TUBA1C: variants seen among roughly 807,000 people sequenced by gnomAD.
The protein encoded by TUBA1C is tubulin alpha-1C chain.
A neutral mutation model predicts 34.9 loss-of-function variants in TUBA1C; 16 were observed. That is an observed-to-expected ratio of 0.46 (90% CI 0.31 to 0.70). The LOEUF (loss-of-function observed/expected upper bound fraction) is 0.70, where lower values mean the gene tolerates loss of function less well. Among genes scored for constraint, TUBA1C ranks in the 30% least tolerant of loss-of-function variants. TUBA1C has a pLI of 0.05. For synonymous variants in TUBA1C, 177 were observed against 215.9 expected, an observed-to-expected ratio of 0.82 and a Z score of 1.58; for missense variants, 329 against 587.3, an observed-to-expected ratio of 0.56 and a Z score of 4.55.
At chr12:49,237,267 A>G (rs1460412662) in intron 1 of TUBA1C, among the ~76,000 whole-genome samples, 1 of 151,268 alleles carries the variant, frequency 6.6e-6, no homozygotes, top group African/African-American at 2.4e-5. Flanking sequence ...TAAAAATACA[A>G]AATTAGCCGG....
At chr12:49,246,768 T>C (rs1422856307) in intron 1 of TUBA1C, among the ~76,000 whole-genome samples, 1 of 152,148 alleles carries the variant, frequency 6.6e-6, no homozygotes, top group African/African-American at 2.4e-5. Context: ...CTTATGGCAT[T>C]TCAGGACAAT....
At chr12:49,250,320 C>T (rs1244686691) in intron 1 of TUBA1C, among the ~76,000 whole-genome samples, 3 of 151,710 alleles carry the variant, frequency 2.0e-5, no homozygotes, top group South Asian at 2.1e-4. Context: ...GTCAGGAAAT[C>T]GAGACCATCC....
chr12:49,270,384 G>C (rs1042103367), intron 3 of TUBA1C, among the ~76,000 whole-genome samples: 1 of 152,220 alleles, frequency 6.6e-6, no homozygotes, highest in African/African-American at 2.4e-5. Context: ...GAAACTTCCA[G>C]TACTGCTGAA....
chr12:49,271,478 G>A (rs903103704), intron 3 of TUBA1C, among the ~76,000 whole-genome samples: 9 of 152,036 alleles, frequency 5.9e-5, no homozygotes, highest in African/African-American at 2.2e-4. Flanking sequence ...TGGCTTACTG[G>A]GCCAATACTG....
Position 49,272,826 on chromosome 12 carries a change from C to T in TUBA1C, c.949C>T (p.Leu317=), listed in dbSNP as rs955833982. Residue 317 remains leucine, a synonymous_variant, in exon 4 of 4, where the codon CTG becomes TTG. Coordinates refer to ENST00000301072, the MANE Select transcript of TUBA1C (RefSeq NM_032704.5). The part of the protein sequence containing the change: ...PRHGKYMACC[L]LYRGDVVPKD... The stretch of plus-strand genomic sequence containing the variant: ...CCATGGTAAATACATGGCTTGCTGC[C>T]TGTTATACCGTGGTGACGTGGTTCC... 3.1e-5 allele frequency: 50 copies of T among 1,614,026 alleles called. No individual in the cohort carries two copies. Among genetic ancestry groups the T allele is most frequent in the African/African-American group, 5.3e-5 (4 of 74,916 alleles).
upstream of TUBA1C, among the ~76,000 whole-genome samples, chr12:49,261,492 G>C (rs1030293758): frequency 6.6e-6 from 1 of 152,066 alleles, no homozygotes; most frequent in African/African-American, 2.4e-5. Context: ...TTGTGGTTTG[G>C]GGTAAATTAT....
At chr12:49,264,844 CTT>C (rs1942881022), upstream of TUBA1C, 1 of 197,788 alleles carries the variant, frequency 5.1e-6, no homozygotes, top group Admixed American at 6.2e-5. Context: ...CCTTCCTCCC[CTT>C]CCTCCCCTTC....
intron 1 of TUBA1C, 113 bp downstream of exon 1, chr12:49,265,297 G>T: frequency 1.3e-6 from 1 of 789,810 alleles, no homozygotes; most frequent in Non-Finnish European, 1.9e-6. Context: ...GACTACCCCG[G>T]GCCCCTCCGG....
chr12:49,259,686 GGTT>G (rs1241242272), intron 1 of TUBA1C, among the ~76,000 whole-genome samples: 1 of 152,174 alleles, frequency 6.6e-6, no homozygotes, highest in Non-Finnish European at 1.5e-5. Flanking sequence ...AACAGATCTT[GGTT>G]GTTAAGTGAC....
intron 1 of TUBA1C, 67 bp from the exon 2 acceptor site, chr12:49,269,398 G>A (rs1942957668): frequency 3.1e-6 from 5 of 1,605,556 alleles, no homozygotes; most frequent in Non-Finnish European, 3.4e-6. Context: ...GTCATTAGGT[G>A]TGAATCATTC....
In TUBA1C at chr12:49,265,109, G is replaced by T; in HGVS notation, c.-73G>T. 1 of 1,552,184 alleles carries T rather than the reference G, an allele frequency of 6.4e-7. No homozygotes were observed. The highest frequency in any genetic ancestry group is 8.8e-7 in the Non-Finnish European group (1 of 1,141,608). On this transcript the variant is annotated 5_prime_UTR_variant, in exon 1 of 4. Coordinates refer to ENST00000301072, the MANE Select transcript of TUBA1C (RefSeq NM_032704.5). ...TACTTCTCCCCCGGACTCCTTGGTA[G>T]TCTGTTAGTGGGAGATCCTTGTTGC...
intron 1 of TUBA1C, among the ~76,000 whole-genome samples, chr12:49,242,067 G>A (rs564821882): frequency 7.3e-5 from 11 of 150,124 alleles, no homozygotes; most frequent in Middle Eastern, 3.4e-3. Context: ...TCAGCCCACT[G>A]CAGCCTCCGC....
upstream of TUBA1C, among the ~76,000 whole-genome samples, chr12:49,264,091 G>A (rs1942867713): frequency 6.6e-6 from 1 of 152,016 alleles, no homozygotes; most frequent in Admixed American, 6.6e-5. Context: ...GTGGTGGCAC[G>A]CGCCTGTAGT....
intron 1 of TUBA1C, among the ~76,000 whole-genome samples, chr12:49,250,637 G>C (rs184822116): frequency 1.3e-5 from 2 of 152,008 alleles, no homozygotes; most frequent in Non-Finnish European, 2.9e-5. Flanking sequence ...ATGGGGCCAG[G>C]CATGGTGGCT....
chr12:49,254,128 A>G (rs1032658761), intron 1 of TUBA1C, among the ~76,000 whole-genome samples: 2 of 152,036 alleles, frequency 1.3e-5, no homozygotes, highest in Admixed American at 1.3e-4. Flanking sequence ...CCTGACCAAC[A>G]CGGAGAAACC....
chr12:49,246,379 T>C (rs1942667343), intron 1 of TUBA1C, among the ~76,000 whole-genome samples: 1 of 152,030 alleles, frequency 6.6e-6, no homozygotes, highest in South Asian at 2.1e-4. Context: ...CCAGATAGAA[T>C]TGAAAATGGC....
chr12:49,265,147 T>C lies in TUBA1C; in HGVS notation c.-35T>C. 2 of 1,598,196 alleles carry C rather than the reference T, an allele frequency of 1.3e-6. No individual in the cohort carries two copies. Among genetic ancestry groups the C allele is most frequent in the Admixed American group, 1.7e-5 (1 of 59,530 alleles). ...AGATCCTTGTTGCCGTCCCTTCGCC[T>C]CCTTCACCGCCGCAGACCCCTTCAA... On this transcript the variant is annotated 5_prime_UTR_variant, in exon 1 of 4. Coordinates refer to ENST00000301072, the MANE Select transcript of TUBA1C (RefSeq NM_032704.5).
chr12:49,228,550 C>A (rs886479138), intron 1 of TUBA1C, among the ~76,000 whole-genome samples: 1 of 152,164 alleles, frequency 6.6e-6, no homozygotes, highest in Non-Finnish European at 1.5e-5. Flanking sequence ...GAGCATATCC[C>A]TTAAAATACA....
intron 1 of TUBA1C, among the ~76,000 whole-genome samples, chr12:49,243,013 G>C (rs775053469): frequency 5.9e-5 from 9 of 152,082 alleles, no homozygotes; most frequent in Admixed American, 1.3e-4. Flanking sequence ...TTGACATGTT[G>C]CTCGGGCTGG....
Sources: allele counts gnomAD v4.1 joint callset (sites outside exome capture counted in the v4.1 genomes callset), GRCh38; gene constraint gnomAD v4.1.1; transcripts MANE v1.5; gene names NCBI Gene and HGNC (gene_info 2026-07-23, HGNC 2026-07-21).